OR56A3: variants seen among roughly 807,000 people sequenced by gnomAD.
OR56A3 encodes olfactory receptor family 56 subfamily A member 3, also known as olfactory receptor 56A3.
Under a neutral mutation model 17.5 loss-of-function variants are expected in OR56A3, and 23 were observed. The ratio of observed to expected loss-of-function variants is 1.32; its 90% CI spans 0.95 to 1.87. The LOEUF (loss-of-function observed/expected upper bound fraction) is 1.87. Among genes scored for constraint, OR56A3 ranks in the 40% most tolerant of loss-of-function variants. The pLI is 0.00. For synonymous variants in OR56A3, 175 were observed against 150.6 expected (o/e 1.16, Z -1.19); for missense variants, 366 against 380.1 (o/e 0.96, Z 0.31).
the OR56A3 span, among the ~76,000 whole-genome samples, chr11:5,973,329 A>G: frequency 6.6e-6 from 1 of 152,202 alleles, no homozygotes; most frequent in Admixed American, 6.5e-5. Flanking sequence ...CCTAATATGG[A>G]CTACTGAGAA....
rs1193595126 is a variant in OR56A3 at position 5,945,095 on chromosome 11, C to G, written c.-37+13C>G. On this transcript the variant is annotated intron_variant, in intron 2 of 2. Coordinates refer to ENST00000641160, the MANE Select transcript of OR56A3 (RefSeq NM_001003443.3). ...CCTCTTCCAAAAAGTATGTTTCCAT[C>G]AGTAGGAAAATATCATACAGTTTGG... The G allele has an allele frequency of 2.0e-5, 3 of 152,230 alleles. No homozygotes were observed. The highest frequency in any genetic ancestry group is 7.2e-5 in the African/African-American group (3 of 41,456). 9.4% of individuals were successfully genotyped at this position (152,230 alleles called of 1,614,324 possible). A position where few individuals can be genotyped will look rare whatever the true frequency, so the allele number is the denominator to read the frequency against.
the OR56A3 span, chr11:6,001,226 G>C: frequency 6.6e-6 from 1 of 152,220 alleles, no homozygotes; most frequent in African/African-American, 2.4e-5. Context: ...GAACAGGATG[G>C]CTCATTTGTG....
At chr11:5,968,400 A>T in the OR56A3 span, 1 of 1,612,160 alleles carries the variant, frequency 6.2e-7, no homozygotes, top group East Asian at 2.2e-5. Context: ...GCTGAGGGGC[A>T]GAGACAGCCA....
chr11:5,978,254 A>G, the OR56A3 span, among the ~76,000 whole-genome samples: 23 of 152,298 alleles, frequency 1.5e-4, no homozygotes, highest in African/African-American at 5.3e-4. Flanking sequence ...TGTCATTAGT[A>G]GCTTGATAAG....
chr11:6,002,977 T>C, the OR56A3 span: 138 of 1,613,978 alleles, frequency 8.6e-5, no homozygotes, highest in Non-Finnish European at 1.1e-4. Flanking sequence ...GTGGAGTCAT[T>C]GCTGGGAGAT....
the OR56A3 span, among the ~76,000 whole-genome samples, chr11:5,957,537 G>A: frequency 2.0e-5 from 3 of 152,078 alleles, no homozygotes; most frequent in South Asian, 2.1e-4. Context: ...ACAAGATAAC[G>A]GAGAAAGCAC....
In OR56A3 at chr11:5,948,413, G is replaced by T; in HGVS notation, c.*119G>T. On this transcript the variant is annotated 3_prime_UTR_variant, in exon 3 of 3. Transcript: ENST00000641160. ...CCTCAAACTGGGTACACTAGATATT[G>T]TGTGTGCTTTTCAAAAACATCGGTT... The T allele has an allele frequency of 1.5e-6, 1 of 650,766 alleles. No homozygotes were observed. The allele number at this position is 650,766 out of a possible 1,614,324, so 40.3% of individuals were successfully genotyped here.
At chr11:5,979,545 T>A in the OR56A3 span, among the ~76,000 whole-genome samples, 5 of 152,158 alleles carry the variant, frequency 3.3e-5, no homozygotes, top group African/African-American at 9.7e-5. Context: ...TTTCCGTATT[T>A]TTGTGGAGTC....
chr11:5,975,154 G>T, the OR56A3 span, among the ~76,000 whole-genome samples: 1 of 152,214 alleles, frequency 6.6e-6, no homozygotes, highest in Non-Finnish European at 1.5e-5. Flanking sequence ...AAAGTCTGGG[G>T]CCTGGGCCTG....
At chr11:5,953,927 A>T (rs1017648121), downstream of OR56A3, among the ~76,000 whole-genome samples, 24 of 152,058 alleles carry the variant, frequency 1.6e-4, no homozygotes, top group Non-Finnish European at 3.1e-4. Flanking sequence ...ATTGACTGAA[A>T]CTTTCTTCTG....
chr11:5,956,727 A>T, the OR56A3 span, among the ~76,000 whole-genome samples: 1 of 152,304 alleles, frequency 6.6e-6, no homozygotes, highest in South Asian at 2.1e-4. Flanking sequence ...GTCAAAAGAT[A>T]CAAAGATGTT....
downstream of OR56A3, among the ~76,000 whole-genome samples, chr11:5,954,548 T>A (rs1403779934): frequency 3.9e-5 from 6 of 152,214 alleles, no homozygotes; most frequent in African/African-American, 9.6e-5. Flanking sequence ...ATCATTTTTT[T>A]AAATAAAATT....
the OR56A3 span, among the ~76,000 whole-genome samples, chr11:6,011,803 A>G: frequency 2.0e-5 from 3 of 152,176 alleles, no homozygotes; most frequent in Non-Finnish European, 2.9e-5. Flanking sequence ...GTGAGCGAGC[A>G]TGGGGTCTGG....
the OR56A3 span, chr11:6,006,160 A>G: frequency 1.3e-5 from 2 of 152,206 alleles, no homozygotes. Context: ...TTTAACGAAT[A>G]CAGGAAGACA....
chr11:5,992,829 G>A, the OR56A3 span, among the ~76,000 whole-genome samples: 75 of 152,236 alleles, frequency 4.9e-4, no homozygotes, highest in African/African-American at 1.1e-3. Context: ...TAGGTGGAGC[G>A]AAGCTTCCCA....
At chr11:6,014,240 GAT>G in the OR56A3 span, among the ~76,000 whole-genome samples, 1 of 152,158 alleles carries the variant, frequency 6.6e-6, no homozygotes, top group Non-Finnish European at 1.5e-5. Flanking sequence ...ATGACACTAT[GAT>G]ATAGTTTGGA....
At chr11:6,008,301 A>G in the OR56A3 span, among the ~76,000 whole-genome samples, 1 of 152,202 alleles carries the variant, frequency 6.6e-6, no homozygotes, top group African/African-American at 2.4e-5. Flanking sequence ...CCGCATCTCT[A>G]TCTTGCTATG....
chr11:5,966,810 G>T, the OR56A3 span, among the ~76,000 whole-genome samples: 2 of 151,786 alleles, frequency 1.3e-5, no homozygotes, highest in Non-Finnish European at 2.9e-5. Flanking sequence ...TCAGAAATCT[G>T]ATGGAAAAGT....
the OR56A3 span, among the ~76,000 whole-genome samples, chr11:5,977,747 T>G: frequency 6.6e-6 from 1 of 152,354 alleles, no homozygotes; most frequent in East Asian, 1.9e-4. Flanking sequence ...TTTGATTTGT[T>G]GCAATTACTT....
Sources: allele counts gnomAD v4.1 joint callset (sites outside exome capture counted in the v4.1 genomes callset), GRCh38; gene constraint gnomAD v4.1.1; transcripts MANE v1.5; gene names NCBI Gene and HGNC (gene_info 2026-07-23, HGNC 2026-07-21).